RFX1: variants seen among roughly 807,000 people sequenced by gnomAD.
RFX1 encodes regulatory factor X1.
Under a neutral mutation model 119.6 loss-of-function variants are expected in RFX1, and 42 were observed. The observed-to-expected ratio is 0.35, with a 90% CI of 0.27 to 0.45. The LOEUF (loss-of-function observed/expected upper bound fraction) is 0.45. Among genes scored for constraint, RFX1 ranks in the 20% least tolerant of loss-of-function variants. RFX1 has a pLI of 1.00. For synonymous variants in RFX1, 628 were observed against 618.5 expected (o/e 1.02, Z -0.23); for missense variants, 1,118 against 1,368.1 (o/e 0.82, Z 2.88).
chr19:13,977,538 TC>T (rs1974286172), intron 8 of RFX1, among the ~76,000 whole-genome samples: 1 of 151,694 alleles, frequency 6.6e-6, no homozygotes, highest in Non-Finnish European at 1.5e-5. Flanking sequence ...TGCCTCAGCC[TC>T]CCGAGTAGCT....
intron 1 of RFX1, among the ~76,000 whole-genome samples, chr19:13,999,667 T>G (rs895966431): frequency 1.2e-4 from 16 of 131,066 alleles, no homozygotes; most frequent in East Asian, 3.9e-4. Context: ...GAACCCTGTG[T>G]TTTTTTTTTG....
chr19:14,000,979 T>A (rs559486802), intron 1 of RFX1, among the ~76,000 whole-genome samples: 10 of 152,210 alleles, frequency 6.6e-5, no homozygotes, highest in African/African-American at 2.4e-4. Flanking sequence ...GTGCCTGTAA[T>A]CCCAGCTACT....
intron 20 of RFX1, 44 bp from the exon 21 acceptor site, chr19:13,962,908 G>T: frequency 6.5e-7 from 1 of 1,538,740 alleles, no homozygotes; most frequent in Non-Finnish European, 8.8e-7. Context: ...GGGTGGCAAC[G>T]CCCCCGGGCT....
intron 16 of RFX1, among the ~76,000 whole-genome samples, chr19:13,964,744 G>A (rs1973839379): frequency 6.6e-6 from 1 of 152,218 alleles, no homozygotes; most frequent in Non-Finnish European, 1.5e-5. Context: ...GCCTCCCAAA[G>A]TGCTGGGATT....
At position 13,969,719 on chromosome 19, in the gene RFX1, G is replaced by A; in HGVS notation, c.1496+275C>T. 2.4e-6 allele frequency: 1 copy of A among 410,536 alleles called. No homozygotes were observed. Among genetic ancestry groups the A allele is most frequent in the Admixed American group, 4.0e-5 (1 of 24,908 alleles). The allele number at this position is 410,536 out of a possible 1,614,324, so 25.4% of individuals were successfully genotyped here. A position where few individuals can be genotyped will look rare whatever the true frequency, so the allele number is the denominator to read the frequency against. ...AATGCTAAAGAGAAAAATAAAGCAG[G>A]GTTGGGGGGTGTCGGGCAGGGGAGA... On this transcript the variant is annotated intron_variant, in intron 10 of 20. Transcript: ENST00000254325. This position sits in a 1 kb window ranked among gnomAD's most constrained non-coding sequence, Gnocchi z 4.5.
intron 1 of RFX1, among the ~76,000 whole-genome samples, 178 bp downstream of exon 1, chr19:14,005,925 G>A (rs2145656142): frequency 6.6e-6 from 1 of 151,112 alleles, no homozygotes; most frequent in East Asian, 2.0e-4. Flanking sequence ...CGCGGGGACG[G>A]GGGCGGGTGG....
chr19:13,974,776 G>T (rs531764957), intron 8 of RFX1, among the ~76,000 whole-genome samples: 1 of 152,110 alleles, frequency 6.6e-6, no homozygotes, highest in East Asian at 1.9e-4. Flanking sequence ...CAGGTGCAGT[G>T]TAATCACACC....
At position 13,986,396 on chromosome 19, in the gene RFX1, C is replaced by T. The variant is rs1464862164; in HGVS notation, c.320-2801G>A. The stretch of plus-strand genomic sequence containing the variant: ...TCAAGGCTGGGACCCCGCCTGCCAG[C>T]CCAGGAGGGCGCCAGGGGATGCGCC... On this transcript the variant is annotated intron_variant, in intron 2 of 20. Transcript: ENST00000254325. This position sits in a 1 kb window ranked among gnomAD's most constrained non-coding sequence, Gnocchi z 4.2. Among the ~76,000 whole-genome samples the T allele has an allele frequency of 6.6e-6, 1 of 152,180 alleles. No homozygotes were observed. Among genetic ancestry groups the T allele is most frequent in the East Asian group, 1.9e-4 (1 of 5,178 alleles).
At chr19:13,983,165 TG>T in intron 4 of RFX1, 21 bp downstream of exon 4, 1 of 1,535,656 alleles carries the variant, frequency 6.5e-7, no homozygotes, top group Non-Finnish European at 8.8e-7. Flanking sequence ...TCCAGGGTGG[TG>T]GCCAGGTGCA....
At chr19:13,997,014 G>A (rs1019279824) in intron 1 of RFX1, among the ~76,000 whole-genome samples, 1 of 152,220 alleles carries the variant, frequency 6.6e-6, no homozygotes, top group South Asian at 2.1e-4. Context: ...GTGAGCCACC[G>A]CGCCCAACCT....
At position 13,983,349 on chromosome 19, in the gene RFX1, T is replaced by G. The variant is rs539803813; in HGVS notation, c.430-79A>C. 9.9e-6 allele frequency: 13 copies of G among 1,312,442 alleles called. No homozygotes were observed. In the East Asian group the frequency reaches 3.0e-4, roughly 31 times the overall value. The allele number at this position is 1,312,442 out of a possible 1,614,324, so 81.3% of individuals were successfully genotyped here. On this transcript the variant is annotated intron_variant, in intron 3 of 20. Transcript: ENST00000254325. ...GCGTGGTTGGGTGGCGGGCGGCTGC[T>G]GTGCACATCTTGATAAGAACAGGTG...
intron 8 of RFX1, among the ~76,000 whole-genome samples, chr19:13,975,069 G>C (rs1391264804): frequency 7.0e-6 from 1 of 141,916 alleles, no homozygotes; most frequent in East Asian, 2.1e-4. Context: ...AAGGGAGGGG[G>C]GCAGGGGCAG....
At chr19:13,978,506 T>C (rs997324309) in intron 7 of RFX1, among the ~76,000 whole-genome samples, 14 of 152,120 alleles carry the variant, frequency 9.2e-5, no homozygotes, top group Admixed American at 5.9e-4. Flanking sequence ...GGACAGAACC[T>C]GGAATCACTG....
In RFX1 at chr19:13,963,028, C is replaced by T; in HGVS notation, c.2736G>A (p.Leu912=). ...PIAVMGEFAN[L]ATSLNPLDPD... ...GGTCCAGGGGGTTCAGGGAGGTGGC[C>T]AGATTGGCGAACTGGAGGAAGAAGA... The change falls in exon 20 of 21, where the codon CTG becomes CTA. Residue 912 remains leucine, a synonymous_variant. Transcript: ENST00000254325. 1 of 1,558,580 alleles carries T rather than the reference C, an allele frequency of 6.4e-7. No homozygotes were observed. Among genetic ancestry groups the T allele is most frequent in the Non-Finnish European group, 8.7e-7 (1 of 1,150,820 alleles).
In RFX1 at chr19:13,983,569, C is replaced by T. The variant is rs367668632; in HGVS notation, c.346G>A (p.Val116Met). The change falls in exon 3 of 21, where the codon GTG becomes ATG. Residue 116 changes from valine to methionine, a missense_variant. Physicochemically the swap from Val to Met is conservative, Grantham distance 21 (BLOSUM62 1). Around this residue, in one of 5 missense-constraint regions of RFX1, gnomAD observed 542 missense variants for 602.7 expected, o/e 0.90. Coordinates refer to ENST00000254325, the MANE Select transcript of RFX1 (RefSeq NM_002918.5). ...GTGGAGCCGGGGCTGGCCTCCGACA[C>T]TGTCTCGCTGGCCCGCATGGCACCT... ...SEGAMRASET[V>M]SEASPGSTAS... 1 of 1,608,780 alleles carries T rather than the reference C, an allele frequency of 6.2e-7. No individual in the cohort carries two copies. The highest frequency in any genetic ancestry group is 8.5e-7 in the Non-Finnish European group (1 of 1,178,874).
rs1974549116 is a variant in RFX1, at chr19:13,985,075, T to C, written c.320-1480A>G. ...TGGGGTCTTGCTATATTGCCCAGGC[T>C]GGTCTCGAACTCTTGGACTCAAGCA... is the stretch of plus-strand genomic sequence containing the variant. On this transcript the variant is annotated intron_variant, in intron 2 of 20. Transcript: ENST00000254325. The surrounding 1 kb of genome is among the most constrained non-coding windows in gnomAD (Gnocchi z 4.3). 6.6e-6 allele frequency among the ~76,000 whole-genome samples: 1 copy of C among 152,208 alleles called. No homozygotes were observed. Among genetic ancestry groups the C allele is most frequent in the Non-Finnish European group, 1.5e-5 (1 of 68,032 alleles).
At chr19:13,977,275 T>TAG (rs773250645) in intron 8 of RFX1, among the ~76,000 whole-genome samples, 13 of 143,760 alleles carry the variant, frequency 9.0e-5, no homozygotes, top group African/African-American at 3.1e-4. Context: ...AGCCTGGCGA[T>TAG]AGAGCAAGAC....
At chr19:13,971,317 CAA>C (rs1238430151) in intron 9 of RFX1, among the ~76,000 whole-genome samples, 5 of 151,538 alleles carry the variant, frequency 3.3e-5, no homozygotes. Flanking sequence ...GTCTGGGTGA[CAA>C]GAGCAAAACT....
At position 13,977,889 on chromosome 19, in the gene RFX1, G is replaced by A. The variant is rs78633919; in HGVS notation, c.929+103C>T. On this transcript the variant is annotated intron_variant, in intron 8 of 20. Coordinates refer to ENST00000254325, the MANE Select transcript of RFX1 (RefSeq NM_002918.5). ...TCTGTCACCTGAGGCCTTGAAGGCC[G>A]GATGGCCTGCTGGGGGCTGGGACTG... is the stretch of plus-strand genomic sequence containing the variant. The A allele has an allele frequency of 5.7e-3, 4,999 of 881,572 alleles. 174 individuals carry two copies. The African/African-American group carries it at 0.074, about 13-fold the overall frequency. The allele number at this position is 881,572 out of a possible 1,614,324, so 54.6% of individuals were successfully genotyped here.
Sources: allele counts gnomAD v4.1 joint callset (sites outside exome capture counted in the v4.1 genomes callset), GRCh38; gene constraint gnomAD v4.1.1; regional missense constraint gnomAD v4.1.1; non-coding constraint Gnocchi (gnomAD v3.1); transcripts MANE v1.5; gene names NCBI Gene and HGNC (gene_info 2026-07-23, HGNC 2026-07-21).